The following ANK1 variants were observed in gnomAD, a reference collection of about 807,000 sequenced individuals.
ANK1 encodes the protein ankyrin 1.
Under a neutral mutation model 210.4 loss-of-function variants are expected in ANK1, and 51 were observed. That is an observed-to-expected ratio of 0.24 (90% CI 0.19 to 0.31). The LOEUF (loss-of-function observed/expected upper bound fraction) is 0.31, where lower values mean the gene tolerates loss of function less well. Ranked by LOEUF, ANK1 falls within the 10% of genes least tolerant of loss-of-function variation. ANK1 has a pLI of 1.00. For synonymous variants in ANK1, 967 were observed against 1,025.9 expected (o/e 0.94, Z 1.10); for missense variants, 2,051 against 2,504.4 (o/e 0.82, Z 3.86).
rs368864850 is a variant in ANK1 at position 41,692,780 on chromosome 8, G to A, written c.3726C>T (p.Phe1242=). Reference sequence around the variant, plus strand: ...GGTCATTCATCTTGGCAAAGATGACGAATTTGGCCATGTAGGGCACTGCAG... The same window carrying A: ...GGTCATTCATCTTGGCAAAGATGACAAATTTGGCCATGTAGGGCACTGCAG... ...ELTAVPYMAK[F]VIFAKMNDPR... The change falls in exon 31 of 43, where the codon TTC becomes TTT. Residue 1242 remains phenylalanine (F), a synonymous_variant. Transcript: ENST00000289734. The A allele has an allele frequency of 3.7e-6, 6 of 1,613,902 alleles. No individual in the cohort carries two copies. Among genetic ancestry groups the A allele is most frequent in the Middle Eastern group, 1.6e-4 (1 of 6,082 alleles).
chr8:41,726,380 CTAT>C (rs943472516), intron 5 of ANK1, among the ~76,000 whole-genome samples: 4 of 151,896 alleles, frequency 2.6e-5, no homozygotes, highest in African/African-American at 9.7e-5. Flanking sequence ...CAATTGTGAG[CTAT>C]TATTATTATT....
rs1586286850 is a variant in ANK1, at chr8:41,706,213, G to A, written c.2027C>T (p.Ala676Val). Reference sequence around the variant, plus strand: ...TGCCACTGGAACGTGGCCTTCTTGTGCTACCAGATGGAGGGGAGTGAGTCC... The same window carrying A: ...TGCCACTGGAACGTGGCCTTCTTGTACTACCAGATGGAGGGGAGTGAGTCC... ...KSGLTPLHLV[A>V]QEGHVPVADV... Residue 676 changes from alanine to valine, a missense_variant, in exon 18 of 43, where the codon GCA becomes GTA. Ala to Val is a moderately conservative substitution (Grantham distance 64). This residue lies in a region of ANK1 where 1,413 missense variants were observed against 1,707.4 expected (regional missense o/e 0.83). Transcript: ENST00000289734. 1.2e-6 allele frequency: 2 copies of A among 1,614,206 alleles called. No homozygotes were observed. The highest frequency in any genetic ancestry group is 4.5e-5 in the East Asian group (2 of 44,886).
Position 41,700,495 on chromosome 8 carries a change from T to C in ANK1, c.2462-947A>G, listed in dbSNP as rs375409120. ...GAGCAGAATTGAAAGAAGGACCACA[T>C]TGAAGGCAGTTAAAGCGAGAGGCAT... On this transcript the variant is annotated intron_variant, in intron 22 of 42. Coordinates refer to ENST00000289734, the MANE Select transcript of ANK1 (RefSeq NM_000037.4). 46 of 1,600,476 alleles carry C rather than the reference T, an allele frequency of 2.9e-5. No individual in the cohort carries two copies. In the African/African-American group the frequency reaches 4.6e-4, roughly 16 times the overall value.
Position 41,694,931 on chromosome 8 carries a change from G to A in ANK1, c.3116-128C>T. 8.8e-7 allele frequency: 1 copy of A among 1,135,470 alleles called. No homozygotes were observed. The highest frequency in any genetic ancestry group is 1.3e-6 in the Non-Finnish European group (1 of 771,618). The allele number at this position is 1,135,470 out of a possible 1,614,324, so 70.3% of individuals were successfully genotyped here. A position where few individuals can be genotyped will look rare whatever the true frequency, so the allele number is the denominator to read the frequency against. The stretch of plus-strand genomic sequence containing the variant: ...CCCTCCCCAGGTGCCGGGCGGCATA[G>A]TGGCCAGAAGAAGTGGCCAGAAGAA... On this transcript the variant is annotated intron_variant, in intron 27 of 42. Coordinates refer to ENST00000289734, the MANE Select transcript of ANK1 (RefSeq NM_000037.4). This position sits in a 1 kb window ranked among gnomAD's most constrained non-coding sequence, Gnocchi z 5.7.
chr8:41,663,944 C>G, intron 39 of ANK1: 2 of 664,126 alleles, frequency 3.0e-6, no homozygotes, highest in South Asian at 3.1e-5. Context: ...TCTGGGAGGC[C>G]TGAAGACGAA....
Position 41,704,460 on chromosome 8 carries a change from G to A in ANK1, c.2110C>T (p.Pro704Ser). ...VDATTRMGYT[P>S]LHVASHYGNI... The stretch of plus-strand genomic sequence containing the variant: ...CCATAGTGACTGGCCACATGGAGGG[G>A]AGTGTAGCCCATCTGAAAAGCAGAT... The change falls in exon 19 of 43, where the codon CCC becomes TCC. Residue 704 changes from proline (P) to serine (S), a missense_variant. Physicochemically the swap from Pro to Ser is moderately conservative, Grantham distance 74. This residue lies in a region of ANK1 where 1,413 missense variants were observed against 1,707.4 expected (regional missense o/e 0.83). Coordinates refer to ENST00000289734, the MANE Select transcript of ANK1 (RefSeq NM_000037.4). The surrounding 1 kb of genome is among the most constrained non-coding windows in gnomAD (Gnocchi z 4.1). 1.2e-6 allele frequency: 2 copies of A among 1,614,116 alleles called. No homozygotes were observed. Among genetic ancestry groups the A allele is most frequent in the Non-Finnish European group, 1.7e-6 (2 of 1,179,940 alleles).
chr8:41,665,920 C>T (rs1009623822), intron 39 of ANK1: 4 of 152,266 alleles, frequency 2.6e-5, no homozygotes, highest in Admixed American at 1.3e-4. Context: ...AGGAACAACG[C>T]GTATTAAACT....
chr8:41,741,799 G>T (rs1393281417), intron 2 of ANK1, among the ~76,000 whole-genome samples: 2 of 152,156 alleles, frequency 1.3e-5, no homozygotes, highest in African/African-American at 4.8e-5. Flanking sequence ...GTCGGGGTAG[G>T]AGCCATGCTC....
intron 2 of ANK1, among the ~76,000 whole-genome samples, chr8:41,744,200 T>C (rs1835495575): frequency 6.7e-6 from 1 of 148,630 alleles, no homozygotes; most frequent in Non-Finnish European, 1.5e-5. Flanking sequence ...AATCCATGAG[T>C]CCAAACAGCT....
intron 1 of ANK1, among the ~76,000 whole-genome samples, chr8:41,854,953 A>G (rs1334635355): frequency 8.8e-5 from 5 of 57,072 alleles, no homozygotes; most frequent in Non-Finnish European, 1.7e-4. Flanking sequence ...ATCTCAAAAG[A>G]AAAAAAAAAA....
intron 1 of ANK1, among the ~76,000 whole-genome samples, chr8:41,855,139 A>T (rs1200469924): frequency 6.6e-6 from 1 of 152,238 alleles, no homozygotes; most frequent in Non-Finnish European, 1.5e-5. Flanking sequence ...TCAGCTAAGT[A>T]GCTGCCACTC....
intron 16 of ANK1, 36 bp from the exon 17 acceptor site, chr8:41,709,011 G>A: frequency 6.2e-7 from 1 of 1,611,826 alleles, no homozygotes; most frequent in East Asian, 2.2e-5. Context: ...CCTGGTTACA[G>A]GAATGCTGAG....
chr8:41,688,687 C>T (rs531876483), intron 33 of ANK1, 98 bp from the exon 34 acceptor site: 1 of 1,042,710 alleles, frequency 9.6e-7, no homozygotes, highest in Non-Finnish European at 1.5e-6. Context: ...GGAAGGCTGA[C>T]CCCAGTCCTG....
chr8:41,718,530 A>C (rs1315291938), intron 10 of ANK1, among the ~76,000 whole-genome samples: 3 of 152,236 alleles, frequency 2.0e-5, no homozygotes, highest in Non-Finnish European at 4.4e-5. Flanking sequence ...AATTTACAAT[A>C]AAAGAGTACT....
At chr8:41,845,118 C>T (rs1809765616) in intron 1 of ANK1, among the ~76,000 whole-genome samples, 1 of 152,216 alleles carries the variant, frequency 6.6e-6, no homozygotes, top group Admixed American at 6.5e-5. Flanking sequence ...GGCGCAGTGA[C>T]TCACGCCTGT....
At position 41,857,905 on chromosome 8, in the gene ANK1, A is replaced by AAAATAAATAAATAAATAAAT. The variant is rs112696006; in HGVS notation, c.126+38430_126+38449dup. Among the ~76,000 whole-genome samples, 153 of 150,952 alleles carry AAAATAAATAAATAAATAAAT rather than the reference A, an allele frequency of 1.0e-3. 2 individuals are homozygous for AAAATAAATAAATAAATAAAT. Among genetic ancestry groups the AAAATAAATAAATAAATAAAT allele is most frequent in the African/African-American group, 3.7e-3 (150 of 40,762 alleles). On this transcript the variant is annotated intron_variant, in intron 1 of 42. Transcript: ENST00000265709. Reference sequence around the variant, plus strand: ...GGCGACAGAGTGAGACTCCATCTCAAAAATAAATAAATAAATAAATAAATA... The same window carrying AAAATAAATAAATAAATAAAT: ...GGCGACAGAGTGAGACTCCATCTCAAAAATAAATAAATAAATAAATAAATAAATAAATAAATAAATAAATA...
chr8:41,827,706 A>G (rs991542274), intron 1 of ANK1, among the ~76,000 whole-genome samples: 14 of 148,622 alleles, frequency 9.4e-5, no homozygotes, highest in Admixed American at 6.1e-4. Context: ...ACACACTCAC[A>G]CGCACACCCA....
chr8:41,803,085 G>GAAGGAAGGGAAGGAAAGGAAAGGA (rs1850366638), intron 1 of ANK1, among the ~76,000 whole-genome samples: 1 of 59,996 alleles, frequency 1.7e-5, no homozygotes, highest in Admixed American at 2.1e-4. Context: ...GGAAGGAAGG[G>GAAGGAAGGGAAGGAAAGGAAAGGA]AAGGAAAGGA....
At chr8:41,763,881 CTT>C (rs1554605131) in intron 1 of ANK1, among the ~76,000 whole-genome samples, 1 of 72,142 alleles carries the variant, frequency 1.4e-5, no homozygotes, top group South Asian at 4.8e-4. Context: ...TTCTTTTTTT[CTT>C]TTTTTCTTTT....
Sources: allele counts gnomAD v4.1 joint callset (sites outside exome capture counted in the v4.1 genomes callset), GRCh38; gene constraint gnomAD v4.1.1; regional missense constraint gnomAD v4.1.1; non-coding constraint Gnocchi (gnomAD v3.1); transcripts MANE v1.5; gene names NCBI Gene and HGNC (gene_info 2026-07-23, HGNC 2026-07-21).